RAVER1: variants seen among roughly 807,000 people sequenced by gnomAD.
RAVER1 encodes the protein ribonucleoprotein PTB-binding 1.
A neutral mutation model predicts 68.4 loss-of-function variants in RAVER1; 36 were observed. That is an observed-to-expected ratio of 0.53 (90% confidence interval 0.40 to 0.70). RAVER1 has a LOEUF of 0.70. Among genes scored for constraint, RAVER1 ranks in the 30% least tolerant of loss-of-function variants. The pLI is 0.00. For synonymous variants in RAVER1, 469 were observed against 472.7 expected (o/e 0.99, Z 0.10); for missense variants, 933 against 1,019.8 (o/e 0.91, Z 1.16).
chr19:10,326,010 C>G (rs766967029), intron 3 of RAVER1, among the ~76,000 whole-genome samples: 2 of 152,112 alleles, frequency 1.3e-5, no homozygotes, highest in African/African-American at 2.4e-5. Flanking sequence ...AATCTCAGCA[C>G]TTGGGGAGGC....
At chr19:10,331,461 G>A (rs2040517562) in intron 1 of RAVER1, among the ~76,000 whole-genome samples, 1 of 149,072 alleles carries the variant, frequency 6.7e-6, no homozygotes, top group South Asian at 2.1e-4. Flanking sequence ...GCTGAGGCAG[G>A]CGGGTCACAA....
chr19:10,320,554 C>CGCCTCCCTA lies in RAVER1; in HGVS notation c.1770+92_1770+100dup, dbSNP rs2145068019. 10 of 1,103,390 alleles carry CGCCTCCCTA rather than the reference C, an allele frequency of 9.1e-6. No individual in the cohort carries two copies. In the South Asian group the frequency reaches 1.6e-4, roughly 18 times the overall value. 68.3% of individuals were successfully genotyped at this position (1,103,390 alleles called of 1,614,324 possible). ...AGACCATATCTGGCACGTTCCCTGC[C>CGCCTCCCTA]GCCTCCCTAGCACATGGCCTGGCAT... is the stretch of plus-strand genomic sequence containing the variant. On this transcript the variant is annotated intron_variant, in intron 9 of 12. Transcript: ENST00000617231.
Position 10,328,772 on chromosome 19 carries a change from T to G in RAVER1, c.626A>C (p.Asp209Ala), listed in dbSNP as rs913581091. ...AAGGGCAGGCGTCAGTTGCCCGGCA[T>G]CCGTCCAGTGCACGTAGAGGGTGCG... ...GPRTLYVHWT[D>A]AGQLTPALLH... The change falls in exon 3 of 13, where the codon GAT becomes GCT. Residue 209 changes from aspartate (D) to alanine (A), a missense_variant. Coordinates refer to ENST00000617231, the MANE Select transcript of RAVER1 (RefSeq NM_133452.3). The surrounding 1 kb of genome is among the most constrained non-coding windows in gnomAD (Gnocchi z 4.4). 1 of 1,612,976 alleles carries G rather than the reference T, an allele frequency of 6.2e-7. No individual in the cohort carries two copies. Among genetic ancestry groups the G allele is most frequent in the Non-Finnish European group, 8.5e-7 (1 of 1,179,844 alleles).
intron 2 of RAVER1, among the ~76,000 whole-genome samples, chr19:10,330,219 A>G (rs554231735): frequency 1.3e-5 from 2 of 152,174 alleles, no homozygotes; most frequent in South Asian, 4.2e-4. Context: ...CGTTGTCAAG[A>G]ATTAGCTCAA....
Position 10,317,688 on chromosome 19 carries a change from A to G in RAVER1, c.2073+2T>C. The stretch of plus-strand genomic sequence containing the variant: ...CTGCATGTCCCCACCCCCTGCCCGT[A>G]CCTTCAGCAGGTGGCTGTGACCATT... On this transcript the variant is annotated splice_donor_variant, in intron 12 of 12. Transcript: ENST00000617231. LOFTEE classifies it high-confidence loss of function. The surrounding 1 kb of genome is among the most constrained non-coding windows in gnomAD (Gnocchi z 4.3). 6.3e-7 allele frequency: 1 copy of G among 1,577,408 alleles called. No homozygotes were observed. The highest frequency in any genetic ancestry group is 8.6e-7 in the Non-Finnish European group (1 of 1,160,568).
intron 7 of RAVER1, 112 bp downstream of exon 7, chr19:10,321,419 C>T: frequency 1.0e-6 from 1 of 980,160 alleles, no homozygotes; most frequent in Non-Finnish European, 1.4e-6. Flanking sequence ...GGGCACCCAA[C>T]TGATGGACAA....
chr19:10,317,788 GA>G lies in RAVER1; in HGVS notation c.1990-16del. 6.7e-7 allele frequency: 1 copy of G among 1,502,826 alleles called. No homozygotes were observed. 93.1% of individuals were successfully genotyped at this position (1,502,826 alleles called of 1,614,324 possible). A position where few individuals can be genotyped will look rare whatever the true frequency, so the allele number is the denominator to read the frequency against. ...GAGCCGATTGCCTGGGAGAAATGGA[GA>G]GGTGGAACAGGTCACTCCCTGGGGG... On this transcript the variant is annotated splice_polypyrimidine_tract_variant and intron_variant, in intron 11 of 12. Transcript: ENST00000617231. This position sits in a 1 kb window ranked among gnomAD's most constrained non-coding sequence, Gnocchi z 4.3.
chr19:10,324,328 C>T (rs760819528), intron 3 of RAVER1, among the ~76,000 whole-genome samples: 7 of 152,124 alleles, frequency 4.6e-5, no homozygotes, highest in East Asian at 1.9e-4. Context: ...CCTCTGCCCA[C>T]GCCCTGTGCC....
chr19:10,329,324 G>A lies in RAVER1; in HGVS notation c.287-213C>T, dbSNP rs2040497886. On this transcript the variant is annotated intron_variant, in intron 2 of 12. Transcript: ENST00000617231. This position sits in a 1 kb window ranked among gnomAD's most constrained non-coding sequence, Gnocchi z 4.6. ...AGCCCACTCCCTCTCCCAGCCCTGC[G>A]TCCACCTGCACCCACAGCAGCGCTC... Among the ~76,000 whole-genome samples the A allele has an allele frequency of 6.6e-6, 1 of 152,110 alleles. No homozygotes were observed. The highest frequency in any genetic ancestry group is 2.4e-5 in the African/African-American group (1 of 41,412).
intron 3 of RAVER1, among the ~76,000 whole-genome samples, chr19:10,324,017 A>T (rs1277342598): frequency 6.6e-6 from 1 of 152,092 alleles, no homozygotes; most frequent in Non-Finnish European, 1.5e-5. Flanking sequence ...GCGTGGTGGC[A>T]CATGCCTGTA....
At position 10,322,402 on chromosome 19, in the gene RAVER1, C is replaced by T. The variant is rs2040444347; in HGVS notation, c.1173+243G>A. ...GTGTCCAGGTCCCCTGACCCCACCC[C>T]AGGCACCAAGTCCAGGGGCGCTCTC... On this transcript the variant is annotated intron_variant, in intron 6 of 12. Transcript: ENST00000617231. The surrounding 1 kb of genome is among the most constrained non-coding windows in gnomAD (Gnocchi z 4.3). The T allele has an allele frequency of 2.1e-6, 1 of 481,844 alleles. No homozygotes were observed. Among genetic ancestry groups the T allele is most frequent in the Admixed American group, 4.5e-5 (1 of 22,288 alleles). 29.8% of individuals were successfully genotyped at this position (481,844 alleles called of 1,614,324 possible).
At chr19:10,319,380 G>A in intron 9 of RAVER1, 140 bp from the exon 10 acceptor site, 1 of 770,076 alleles carries the variant, frequency 1.3e-6, no homozygotes, top group Non-Finnish European at 2.2e-6. Context: ...GGGGCTGGAT[G>A]CAGCTTGGCA....
intron 1 of RAVER1, among the ~76,000 whole-genome samples, chr19:10,332,605 C>T (rs887607639): frequency 6.6e-6 from 1 of 152,196 alleles, no homozygotes; most frequent in Admixed American, 6.5e-5. Flanking sequence ...GTATAGATGC[C>T]ATTTCCCTGG....
chr19:10,323,212 C>T lies in RAVER1; in HGVS notation c.1011G>A (p.Leu337=). Residue 337 remains leucine, a synonymous_variant, in exon 5 of 13, where the codon CTG becomes CTA. Coordinates refer to ENST00000617231, the MANE Select transcript of RAVER1 (RefSeq NM_133452.3). The surrounding 1 kb of genome is among the most constrained non-coding windows in gnomAD (Gnocchi z 6.2). ...EPNILQLLNN[L]GPSASLQLLL... ...GCAGCTGGAGGGACGCGGATGGGCC[C>T]AGGTTGTTGAGCAGCTGCAGGATGT... 6.2e-7 allele frequency: 1 copy of T among 1,613,264 alleles called. No individual in the cohort carries two copies. The highest frequency in any genetic ancestry group is 2.2e-5 in the East Asian group (1 of 44,858).
chr19:10,320,275 G>T (rs1003716633), intron 9 of RAVER1, among the ~76,000 whole-genome samples: 3 of 151,874 alleles, frequency 2.0e-5, no homozygotes, highest in Admixed American at 2.0e-4. Context: ...AGGCTGAGGC[G>T]GGTGGCTCAC....
Position 10,320,958 on chromosome 19 carries a change from C to T in RAVER1, c.1474-7G>A, listed in dbSNP as rs779366150. 2.5e-5 allele frequency: 37 copies of T among 1,488,022 alleles called. No homozygotes were observed. In the East Asian group the frequency reaches 2.6e-4, roughly 10 times the overall value. 92.2% of individuals were successfully genotyped at this position (1,488,022 alleles called of 1,614,324 possible). A position where few individuals can be genotyped will look rare whatever the true frequency, so the allele number is the denominator to read the frequency against. The stretch of plus-strand genomic sequence containing the variant: ...GCTCCCCCAGCAGTGAGACCTGTGG[C>T]GGGAAGGCAGGATTCGAGAGGGCCC... On this transcript the variant is annotated splice_polypyrimidine_tract_variant and splice_region_variant and intron_variant, in intron 8 of 12. Coordinates refer to ENST00000617231, the MANE Select transcript of RAVER1 (RefSeq NM_133452.3).
chr19:10,331,336 G>C (rs776278890), intron 1 of RAVER1, among the ~76,000 whole-genome samples: 1 of 125,496 alleles, frequency 8.0e-6, no homozygotes, highest in Non-Finnish European at 1.6e-5. Context: ...CAGCCTGGGC[G>C]ACAGAGCGAG....
intron 3 of RAVER1, among the ~76,000 whole-genome samples, chr19:10,326,755 G>GTTTT (rs34915880): frequency 1.7e-5 from 2 of 114,380 alleles, no homozygotes; most frequent in Admixed American, 9.5e-5. Context: ...CGCCTGGCCT[G>GTTTT]TTTTTTTTTT....
At chr19:10,325,682 A>G (rs117784065) in intron 3 of RAVER1, among the ~76,000 whole-genome samples, 5,229 of 152,152 alleles carry the variant, frequency 0.034, 143 homozygotes, top group Non-Finnish European at 0.051. Flanking sequence ...ATGGTGATGC[A>G]TTCCTGTAGT....
Sources: allele counts gnomAD v4.1 joint callset (sites outside exome capture counted in the v4.1 genomes callset), GRCh38; gene constraint gnomAD v4.1.1; non-coding constraint Gnocchi (gnomAD v3.1); transcripts MANE v1.5; gene names NCBI Gene and HGNC (gene_info 2026-07-23, HGNC 2026-07-21).